The following PAK1 variants were observed in gnomAD, a reference collection of about 807,000 sequenced individuals.
The protein encoded by PAK1 is p21 (RAC1) activated kinase 1.
Under a neutral mutation model 67.4 loss-of-function variants are expected in PAK1, and 29 were observed. That is an observed-to-expected ratio of 0.43 (90% CI 0.32 to 0.59). The LOEUF is 0.59. Among genes scored for constraint, PAK1 ranks in the 20% least tolerant of loss-of-function variants. The pLI is 0.07. For synonymous variants in PAK1, 223 were observed against 237.4 expected (o/e 0.94, Z 0.56); for missense variants, 337 against 670.7 (o/e 0.50, Z 5.50).
At chr11:77,433,506 G>A (rs546974106) in intron 1 of PAK1, among the ~76,000 whole-genome samples, 10 of 152,166 alleles carry the variant, frequency 6.6e-5, no homozygotes, top group East Asian at 1.9e-4. Flanking sequence ...GAGGCTGGGC[G>A]CAGTGGCTCA....
intron 1 of PAK1, among the ~76,000 whole-genome samples, chr11:77,399,851 T>A (rs1362307472): frequency 1.9e-5 from 1 of 54,018 alleles, no homozygotes; most frequent in Non-Finnish European, 3.1e-5. Context: ...AGAGCGAGAC[T>A]CCGTCTCAAA....
intron 1 of PAK1, among the ~76,000 whole-genome samples, chr11:77,429,414 T>TTGATAGTGTGGGTC (rs1955755523): frequency 6.6e-6 from 1 of 152,172 alleles, no homozygotes; most frequent in Non-Finnish European, 1.5e-5. Flanking sequence ...TTATTAATTA[T>TTGATAGTGTGGGTC]ACAAGAGAAA....
At chr11:77,469,982 ATT>A in intron 1 of PAK1, among the ~76,000 whole-genome samples, 1 of 152,280 alleles carries the variant, frequency 6.6e-6, no homozygotes, top group Non-Finnish European at 1.5e-5. Flanking sequence ...TTAGATGCAT[ATT>A]GTTTATCGCT....
the PAK1 span, among the ~76,000 whole-genome samples, chr11:77,506,872 AG>A: frequency 6.6e-6 from 1 of 152,074 alleles, no homozygotes; most frequent in African/African-American, 2.4e-5. Flanking sequence ...GGGAGAAGCA[AG>A]GGATAAAAAC....
At chr11:77,497,590 G>C in the PAK1 span, among the ~76,000 whole-genome samples, 1 of 152,236 alleles carries the variant, frequency 6.6e-6, no homozygotes, top group African/African-American at 2.4e-5. Flanking sequence ...GCTGGGCTCT[G>C]AGATCGTGTG....
chr11:77,472,576 C>G (rs907621663), intron 1 of PAK1, among the ~76,000 whole-genome samples: 1 of 152,264 alleles, frequency 6.6e-6, no homozygotes. Context: ...GTGACCTGCT[C>G]AAGGTCACAC....
At chr11:77,455,849 A>C (rs1957056680) in intron 1 of PAK1, 1 of 152,202 alleles carries the variant, frequency 6.6e-6, no homozygotes, top group Admixed American at 6.5e-5. Flanking sequence ...ACCTCCATGA[A>C]GAGATTTACA....
At chr11:77,459,844 C>T (rs1195931393) in intron 1 of PAK1, among the ~76,000 whole-genome samples, 1 of 151,986 alleles carries the variant, frequency 6.6e-6, no homozygotes, top group East Asian at 1.9e-4. Context: ...CTACAGGCGC[C>T]CGCCACCGCG....
intron 1 of PAK1, among the ~76,000 whole-genome samples, chr11:77,472,316 G>A (rs1246036598): frequency 1.3e-5 from 2 of 152,186 alleles, no homozygotes; most frequent in Admixed American, 6.5e-5. Flanking sequence ...TTGAGGTGGG[G>A]AGTTTTTATA....
At chr11:77,437,432 C>G (rs1023201598) in intron 1 of PAK1, among the ~76,000 whole-genome samples, 3 of 152,208 alleles carry the variant, frequency 2.0e-5, no homozygotes, top group African/African-American at 7.2e-5. Flanking sequence ...GTCTGGTACA[C>G]AGTGAGTGCT....
At chr11:77,353,188 C>A in intron 8 of PAK1, 1 of 204,254 alleles carries the variant, frequency 4.9e-6, no homozygotes. Flanking sequence ...TTGGGTCTTC[C>A]ATTTTATATT....
At chr11:77,473,084 T>C (rs1957942208) in intron 1 of PAK1, among the ~76,000 whole-genome samples, 1 of 151,970 alleles carries the variant, frequency 6.6e-6, no homozygotes, top group Non-Finnish European at 1.5e-5. Flanking sequence ...TTTCAGGGAG[T>C]AGAACCCTAA....
chr11:77,465,860 G>A (rs547027607), intron 1 of PAK1, among the ~76,000 whole-genome samples: 131 of 152,276 alleles, frequency 8.6e-4, no homozygotes, highest in Non-Finnish European at 1.3e-3. Context: ...AAAGTGAGAC[G>A]ATTGCTTGAG....
chr11:77,513,595 C>T, the PAK1 span, among the ~76,000 whole-genome samples: 9 of 140,520 alleles, frequency 6.4e-5, no homozygotes, highest in Admixed American at 2.3e-4. Flanking sequence ...CACTTGAGCC[C>T]GGGAGGTGGA....
intron 1 of PAK1, among the ~76,000 whole-genome samples, chr11:77,470,048 A>G (rs1957778607): frequency 6.6e-6 from 1 of 152,130 alleles, no homozygotes; most frequent in African/African-American, 2.4e-5. Context: ...ATAACCTTAA[A>G]CTTGTCTCTT....
intron 14 of PAK1, among the ~76,000 whole-genome samples, chr11:77,324,857 C>A (rs148578603): frequency 7.2e-5 from 11 of 151,994 alleles, no homozygotes; most frequent in Non-Finnish European, 1.5e-4. Flanking sequence ...CTGAGAATTG[C>A]TGCAACTTCT....
chr11:77,449,637 G>A (rs1009355941), intron 1 of PAK1, among the ~76,000 whole-genome samples: 1 of 140,606 alleles, frequency 7.1e-6, no homozygotes, highest in Non-Finnish European at 1.5e-5. Context: ...GTTTGTGTTA[G>A]TTTTCCTTAT....
At chr11:77,419,169 G>A (rs1955126434) in intron 1 of PAK1, among the ~76,000 whole-genome samples, 1 of 152,068 alleles carries the variant, frequency 6.6e-6, no homozygotes, top group South Asian at 2.1e-4. Flanking sequence ...GAGGCATACT[G>A]GTAAGATGCC....
chr11:77,482,589 CT>C, the PAK1 span, among the ~76,000 whole-genome samples: 1 of 137,712 alleles, frequency 7.3e-6, no homozygotes, highest in Admixed American at 7.1e-5. Context: ...TTCCCTCACT[CT>C]TTTTTTCTTT....
Sources: gnomAD v4.1 joint callset for allele counts (sites outside exome capture counted in the v4.1 genomes callset) on GRCh38, gnomAD v4.1.1 for gene constraint, MANE v1.5 for transcripts, NCBI Gene and HGNC (gene_info 2026-07-23, HGNC 2026-07-21) for gene names.